HSD11B1: variants seen among roughly 807,000 people sequenced by gnomAD.
The protein encoded by HSD11B1 is hydroxysteroid 11-beta dehydrogenase 1.
In HSD11B1, 15 loss-of-function variants were observed where a neutral mutation model predicts 22.1. The ratio of observed to expected loss-of-function variants is 0.68; its 90% CI spans 0.45 to 1.04. The LOEUF is 1.04. Among genes scored for constraint, HSD11B1 ranks in the 50% least tolerant of loss-of-function variants. HSD11B1 has a pLI of 0.00. For missense variants in HSD11B1, 281 were observed against 357.6 expected (o/e 0.79, Z 1.73); for synonymous variants, 122 against 125.2 (o/e 0.97, Z 0.17).
At chr1:209,719,744 T>C (rs1185817267) in intron 4 of HSD11B1, among the ~76,000 whole-genome samples, 1 of 152,230 alleles carries the variant, frequency 6.6e-6, no homozygotes, top group Admixed American at 6.5e-5. Context: ...TCCTTTTTTA[T>C]GGCTTCATAG....
chr1:209,712,700 G>T (rs2076905398), intron 4 of HSD11B1, among the ~76,000 whole-genome samples: 1 of 152,078 alleles, frequency 6.6e-6, no homozygotes, highest in African/African-American at 2.4e-5. Flanking sequence ...TAAAGTCTAG[G>T]TCTTTATTTG....
chr1:209,722,593 T>A (rs1391071571), intron 4 of HSD11B1, among the ~76,000 whole-genome samples: 1 of 152,178 alleles, frequency 6.6e-6, no homozygotes, highest in African/African-American at 2.4e-5. Context: ...TAGGTGGATT[T>A]ATCTTGAGAG....
Position 209,706,751 on chromosome 1 carries a change from T to C in HSD11B1, c.262T>C (p.Tyr88His), listed in dbSNP as rs372161445. Reference sequence around the variant, plus strand: ...GGAGCTTGGAGCAGCCTCAGCACACTACATTGCTGGCACCATGGAAGACAT... The same window carrying C: ...GGAGCTTGGAGCAGCCTCAGCACACCACATTGCTGGCACCATGGAAGACAT... ...CLELGAASAH[Y>H]IAGTMEDMTF... Residue 88 changes from tyrosine to histidine, a missense_variant, in exon 3 of 6, where the codon TAC becomes CAC. Physicochemically the swap from Tyr to His is moderately conservative, Grantham distance 83 (BLOSUM62 2). Coordinates refer to ENST00000367027, the MANE Select transcript of HSD11B1 (RefSeq NM_005525.4). This position sits in a 1 kb window ranked among gnomAD's most constrained non-coding sequence, Gnocchi z 4.0. 3 of 1,613,942 alleles carry C rather than the reference T, an allele frequency of 1.9e-6. No individual in the cohort carries two copies. The highest frequency in any genetic ancestry group is 1.3e-5 in the African/African-American group (1 of 74,910).
chr1:209,715,231 A>G (rs1169657441), intron 4 of HSD11B1, among the ~76,000 whole-genome samples: 1 of 152,168 alleles, frequency 6.6e-6, no homozygotes, highest in Non-Finnish European at 1.5e-5. Context: ...TGAATCCTCT[A>G]GTGTTGGATT....
At chr1:209,708,931 CAA>C in intron 4 of HSD11B1, among the ~76,000 whole-genome samples, 1 of 152,148 alleles carries the variant, frequency 6.6e-6, no homozygotes, top group East Asian at 1.9e-4. Context: ...CTTGTGTAGC[CAA>C]AAGATTCCAG....
chr1:209,734,552 AT>A lies in HSD11B1; in HGVS notation c.*35del. Reference sequence around the variant, plus strand: ...CCCTGAGGGCTGGGCATGCTGAGGGATTTTGGGACTGTTCTGTCTCATGTTT... The same window carrying A: ...CCCTGAGGGCTGGGCATGCTGAGGGATTTGGGACTGTTCTGTCTCATGTTT... On this transcript the variant is annotated 3_prime_UTR_variant, in exon 6 of 6. Transcript: ENST00000367027. 1 of 1,495,732 alleles carries A rather than the reference AT, an allele frequency of 6.7e-7. No homozygotes were observed. The allele number at this position is 1,495,732 out of a possible 1,614,324, so 92.7% of individuals were successfully genotyped here.
Position 209,734,628 on chromosome 1 carries a change from A to G in HSD11B1, c.*107A>G. On this transcript the variant is annotated 3_prime_UTR_variant, in exon 6 of 6. Transcript: ENST00000367027. ...ATCTTCCCAGAGTGTCCCCAGAGAC[A>G]TGCAAGTCATGGGTCACACCTGACA... 1 of 863,424 alleles carries G rather than the reference A, an allele frequency of 1.2e-6. No homozygotes were observed. Among genetic ancestry groups the G allele is most frequent in the Non-Finnish European group, 1.9e-6 (1 of 518,152 alleles). The allele number at this position is 863,424 out of a possible 1,614,324, so 53.5% of individuals were successfully genotyped here.
At chr1:209,716,172 T>C (rs1285734372) in intron 4 of HSD11B1, among the ~76,000 whole-genome samples, 1 of 152,166 alleles carries the variant, frequency 6.6e-6, no homozygotes, top group African/African-American at 2.4e-5. Context: ...CATGATTTTA[T>C]AATCAGAAAA....
At chr1:209,716,576 C>A (rs1001888348) in intron 4 of HSD11B1, among the ~76,000 whole-genome samples, 8 of 151,098 alleles carry the variant, frequency 5.3e-5, no homozygotes, top group Middle Eastern at 3.4e-3. Flanking sequence ...AAAAAAAAAA[C>A]CTAAAATTTG....
In HSD11B1 at chr1:209,706,092, A is replaced by G; in HGVS notation, c.219+151A>G. The G allele has an allele frequency of 2.1e-6, 2 of 966,266 alleles. No individual in the cohort carries two copies. The highest frequency in any genetic ancestry group is 2.9e-5 in the South Asian group (2 of 68,892). 59.9% of individuals were successfully genotyped at this position (966,266 alleles called of 1,614,324 possible). A position where few individuals can be genotyped will look rare whatever the true frequency, so the allele number is the denominator to read the frequency against. ...GACACTTAATTTTGCACTCTCATATATAGATTCAAACACCAAAAAACCCAC... is the reference window on the plus strand; with the variant it reads ...GACACTTAATTTTGCACTCTCATATGTAGATTCAAACACCAAAAAACCCAC... On this transcript the variant is annotated intron_variant, in intron 2 of 5. Transcript: ENST00000367027. This position sits in a 1 kb window ranked among gnomAD's most constrained non-coding sequence, Gnocchi z 4.0.
chr1:209,706,374 C>T lies in HSD11B1; in HGVS notation c.220-335C>T, dbSNP rs1347865355. ...ACAAACCCAAGGATGTACAAACATT[C>T]ACAAACCTAGAGCTACCCACATAGT... is the stretch of plus-strand genomic sequence containing the variant. On this transcript the variant is annotated intron_variant, in intron 2 of 5. Transcript: ENST00000367027. The surrounding 1 kb of genome is among the most constrained non-coding windows in gnomAD (Gnocchi z 4.0). Among the ~76,000 whole-genome samples the T allele has an allele frequency of 1.3e-5, 2 of 152,140 alleles. No individual in the cohort carries two copies. Among genetic ancestry groups the T allele is most frequent in the African/African-American group, 2.4e-5 (1 of 41,428 alleles).
At position 209,705,947 on chromosome 1, in the gene HSD11B1, G is replaced by T; in HGVS notation, c.219+6G>T. On this transcript the variant is annotated splice_donor_region_variant and intron_variant, in intron 2 of 5. Coordinates refer to ENST00000367027, the MANE Select transcript of HSD11B1 (RefSeq NM_005525.4). ...CAAAAGAAACTCTACAGAAGGTGAG[G>T]GTTCTATGCTCGCAGATATGTGTAC... The T allele has an allele frequency of 6.2e-7, 1 of 1,613,672 alleles. No homozygotes were observed. Among genetic ancestry groups the T allele is most frequent in the Non-Finnish European group, 8.5e-7 (1 of 1,179,732 alleles).
intron 4 of HSD11B1, among the ~76,000 whole-genome samples, chr1:209,713,649 C>A (rs1219264260): frequency 6.6e-6 from 1 of 152,144 alleles, no homozygotes; most frequent in South Asian, 2.1e-4. Flanking sequence ...TATGAAATGG[C>A]ATAGTATCTG....
Position 209,733,246 on chromosome 1 carries a change from A to G in HSD11B1, c.661+667A>G, listed in dbSNP as rs192809688. Among the ~76,000 whole-genome samples, 799 of 152,358 alleles carry G rather than the reference A, an allele frequency of 5.2e-3. 4 individuals carry two copies. Among genetic ancestry groups the G allele is most frequent in the Non-Finnish European group, 7.3e-3 (497 of 68,036 alleles). ...TTTGATGTGATGTTCTGAGAAGAAC[A>G]CAACATCATTTTGGTGGTGTTCTTG... On this transcript the variant is annotated intron_variant, in intron 5 of 5. Transcript: ENST00000367027.
In HSD11B1 at chr1:209,709,573, G is replaced by A. The variant is rs1169168593; in HGVS notation, c.517+2445G>A. ...AAAACACCCTGGAAAGGCAGTCCAG[G>A]GCTGATATGGTAGTTCTGTCCTATG... On this transcript the variant is annotated intron_variant, in intron 4 of 5. Transcript: ENST00000367027. Among the ~76,000 whole-genome samples the A allele has an allele frequency of 2.6e-5, 4 of 152,114 alleles. No individual in the cohort carries two copies. The East Asian group carries it at 7.7e-4, about 29-fold the overall frequency.
At chr1:209,695,189 C>T (rs1490675749) in intron 1 of HSD11B1, among the ~76,000 whole-genome samples, 1 of 152,234 alleles carries the variant, frequency 6.6e-6, no homozygotes, top group East Asian at 1.9e-4. Flanking sequence ...TTCCTGAAGC[C>T]TCCCTGGCCA....
intron 4 of HSD11B1, among the ~76,000 whole-genome samples, chr1:209,715,734 A>G (rs944729360): frequency 6.6e-6 from 1 of 152,232 alleles, no homozygotes; most frequent in African/African-American, 2.4e-5. Context: ...AGGATTTTTC[A>G]TGAAGTGGAA....
At chr1:209,691,990 G>T (rs2076762125) in intron 1 of HSD11B1, among the ~76,000 whole-genome samples, 1 of 151,438 alleles carries the variant, frequency 6.6e-6, no homozygotes, top group African/African-American at 2.4e-5. Flanking sequence ...AAGGATTGTT[G>T]TCACTAGTTG....
At chr1:209,709,927 C>T (rs946011019) in intron 4 of HSD11B1, among the ~76,000 whole-genome samples, 1 of 143,742 alleles carries the variant, frequency 7.0e-6, no homozygotes, top group Admixed American at 7.1e-5. Context: ...CCAGGCCATC[C>T]CACATGTGAA....
Sources: gnomAD v4.1 joint callset for allele counts (sites outside exome capture counted in the v4.1 genomes callset) on GRCh38, gnomAD v4.1.1 for gene constraint, Gnocchi (gnomAD v3.1) non-coding constraint, MANE v1.5 for transcripts, NCBI Gene and HGNC (gene_info 2026-07-23, HGNC 2026-07-21) for gene names.